Variants in UBXN11 observed in about 807,000 individuals in gnomAD.
UBXN11 encodes UBX domain-containing protein 11.
In UBXN11, 47 loss-of-function variants were observed where a neutral mutation model predicts 62.8. The observed-to-expected ratio is 0.75, with a 90% confidence interval of 0.59 to 0.95. The LOEUF (loss-of-function observed/expected upper bound fraction) is 0.95, where lower values mean the gene tolerates loss of function less well. Ranked by LOEUF, UBXN11 falls within the 40% of genes least tolerant of loss-of-function variation. The probability of loss-of-function intolerance (pLI) is 0.00; values close to 1 mark genes in which losing one functional copy is unlikely to be tolerated. For synonymous variants in UBXN11, 294 were observed against 267.0 expected (o/e 1.10, Z -0.99); for missense variants, 638 against 661.7 (o/e 0.96, Z 0.39).
intron 5 of UBXN11, among the ~76,000 whole-genome samples, 157 bp from the exon 6 acceptor site, chr1:26,297,638 C>T (rs928399157): frequency 2.0e-5 from 3 of 152,328 alleles, no homozygotes; most frequent in Admixed American, 6.5e-5. Flanking sequence ...AGATAACCCT[C>T]GCAGTTCCTC....
At chr1:26,318,013 C>T (rs1182614057) in intron 1 of UBXN11, 2 of 1,614,118 alleles carry the variant, frequency 1.2e-6, no homozygotes, top group East Asian at 2.2e-5. Flanking sequence ...GAAGATCCTA[C>T]CAAAATGAAG....
chr1:26,298,043 C>G lies in UBXN11; in HGVS notation c.219G>C (p.Ser73=). Residue 73 remains serine, a synonymous_variant, in exon 5 of 15, where the codon TCG becomes TCC. Transcript: ENST00000374222. ...VSRQVPASHD[S]ELMAFMTRKL... is the part of the protein sequence containing the mutation. ...TCCTCGTCATGAAGGCCATCAGCTC[C>G]GAGTCATGGGATGCAGGGACTGCCA... is the stretch of plus-strand genomic sequence containing the variant. 6.2e-7 allele frequency: 1 copy of G among 1,613,676 alleles called. No homozygotes were observed. The highest frequency in any genetic ancestry group is 8.5e-7 in the Non-Finnish European group (1 of 1,179,920).
Position 26,282,328 on chromosome 1 carries a change from A to AGGGACTGGGGCCGGGGCCGGGACC in UBXN11, c.1533_1534insGGTCCCGGCCCCGGCCCCAGTCCC (p.Gly504_Pro511dup). 2 of 776,108 alleles carry AGGGACTGGGGCCGGGGCCGGGACC rather than the reference A, an allele frequency of 2.6e-6. No individual in the cohort carries two copies. The highest frequency in any genetic ancestry group is 7.3e-5 in the East Asian group (2 of 27,372). 48.1% of individuals were successfully genotyped at this position (776,108 alleles called of 1,614,324 possible). ...TGGGGGCTGGGACTGGGTCCAGGAC[A>AGGGACTGGGGCCGGGGCCGGGACC]GGGACTGGGGCCGGGACCGGGACCG... is the stretch of plus-strand genomic sequence containing the variant. On this transcript the variant is annotated inframe_insertion, in exon 15 of 15. Transcript: ENST00000374222.
Position 26,282,334 on chromosome 1 carries a change from TGGGGCCGGGACC to T in UBXN11, c.1516_1527del (p.Gly506_Pro509del), listed in dbSNP as rs1557677262. On this transcript the variant is annotated inframe_deletion, in exon 15 of 15. Transcript: ENST00000374222. ...CTGGGACTGGGTCCAGGACAGGGAC[TGGGGCCGGGACC>T]GGGACCGGGACTGGGGCCGGGACCG... 25 of 1,304,242 alleles carry T rather than the reference TGGGGCCGGGACC, an allele frequency of 1.9e-5. No homozygotes were observed. The South Asian group carries it at 3.7e-4, about 19-fold the overall frequency. The allele number at this position is 1,304,242 out of a possible 1,614,324, so 80.8% of individuals were successfully genotyped here.
chr1:26,285,637 C>A, intron 9 of UBXN11, 96 bp from the exon 10 acceptor site: 1 of 1,386,994 alleles, frequency 7.2e-7, no homozygotes, highest in Non-Finnish European at 9.7e-7. Flanking sequence ...TCCAGGGTCA[C>A]CCAGTGCCGC....
chr1:26,297,959 C>T lies in UBXN11; in HGVS notation c.300+3G>A, dbSNP rs754526900. 10 of 1,613,308 alleles carry T rather than the reference C, an allele frequency of 6.2e-6. No homozygotes were observed. In the African/African-American group the frequency reaches 1.3e-4, roughly 22 times the overall value. On this transcript the variant is annotated splice_donor_region_variant and intron_variant, in intron 5 of 14. Coordinates refer to ENST00000374222, the MANE Select transcript of UBXN11 (RefSeq NM_001389556.1). Reference sequence around the variant, plus strand: ...CCTGGCCCTCTCCCACCTGGAGCCCCACCTTGGACAGTATCTCATCAGTCT... The same window carrying T: ...CCTGGCCCTCTCCCACCTGGAGCCCTACCTTGGACAGTATCTCATCAGTCT...
chr1:26,282,990 C>A, intron 12 of UBXN11, 53 bp from the exon 13 acceptor site: 4 of 1,609,252 alleles, frequency 2.5e-6, no homozygotes, highest in Non-Finnish European at 3.4e-6. Flanking sequence ...TTTGAGTCAT[C>A]CCCACAAACC....
At chr1:26,289,081 C>T (rs1456867675) in intron 8 of UBXN11, among the ~76,000 whole-genome samples, 2 of 152,154 alleles carry the variant, frequency 1.3e-5, no homozygotes, top group African/African-American at 4.8e-5. Context: ...GTCCCAACTC[C>T]CAAGACCCTT....
intron 5 of UBXN11, 48 bp downstream of exon 5, chr1:26,297,914 C>T (rs2073434388): frequency 6.3e-7 from 1 of 1,594,388 alleles, no homozygotes; most frequent in Non-Finnish European, 8.6e-7. Context: ...AGCCCAGTCC[C>T]TCCACCTCTC....
intron 2 of UBXN11, 112 bp from the exon 3 acceptor site, chr1:26,301,834 A>T: frequency 7.0e-7 from 1 of 1,427,994 alleles, no homozygotes; most frequent in East Asian, 2.4e-5. Context: ...AGATGGAAGC[A>T]GGGCCTCTAA....
At position 26,295,752 on chromosome 1, in the gene UBXN11, T is replaced by A. The variant is rs6702270; in HGVS notation, c.432+1167A>T. Reference sequence around the variant, plus strand: ...AGTCACAGCACTCTCTGTACTTGTGTACCTGTGTACTCGTTTGTTCCCCTC... The same window carrying A: ...AGTCACAGCACTCTCTGTACTTGTGAACCTGTGTACTCGTTTGTTCCCCTC... On this transcript the variant is annotated intron_variant, in intron 7 of 14. Coordinates refer to ENST00000374222, the MANE Select transcript of UBXN11 (RefSeq NM_001389556.1). Among the ~76,000 whole-genome samples, 1,434 of 152,324 alleles carry A rather than the reference T, an allele frequency of 9.4e-3. 20 individuals are homozygous for A. Among genetic ancestry groups the A allele is most frequent in the African/African-American group, 0.032 (1,330 of 41,552 alleles).
intron 12 of UBXN11, 117 bp downstream of exon 12, chr1:26,284,025 G>A (rs1413934363): frequency 1.9e-6 from 2 of 1,036,212 alleles, no homozygotes; most frequent in Non-Finnish European, 2.8e-6. Context: ...CAGCTCTGAG[G>A]GACTCATCAG....
At chr1:26,307,624 CTTTTTTTT>C (rs58120340), upstream of UBXN11, among the ~76,000 whole-genome samples, 4 of 127,922 alleles carry the variant, frequency 3.1e-5, no homozygotes, top group South Asian at 2.4e-4. Flanking sequence ...TTTTCTGTTG[CTTTTTTTT>C]TTTTTTTTTT....
intron 7 of UBXN11, 130 bp from the exon 8 acceptor site, chr1:26,294,461 T>C: frequency 7.3e-7 from 1 of 1,370,596 alleles, no homozygotes; most frequent in Non-Finnish European, 9.7e-7. Flanking sequence ...GACAAAGGGA[T>C]GAGTAGGGGG....
chr1:26,294,802 T>C (rs997658936), intron 7 of UBXN11, among the ~76,000 whole-genome samples: 1 of 152,158 alleles, frequency 6.6e-6, no homozygotes, highest in African/African-American at 2.4e-5. Context: ...CGACTTCTTT[T>C]CTCAAGCCAC....
intron 8 of UBXN11, among the ~76,000 whole-genome samples, chr1:26,290,552 AG>A (rs2073237442): frequency 6.6e-6 from 1 of 152,152 alleles, no homozygotes; most frequent in South Asian, 2.1e-4. Flanking sequence ...GGCTGGAGGC[AG>A]AAGTGCAGGT....
At chr1:26,284,332 C>A (rs745901792) in intron 11 of UBXN11, 30 bp downstream of exon 11, 1 of 1,613,912 alleles carries the variant, frequency 6.2e-7, no homozygotes, top group Admixed American at 1.7e-5. Context: ...GTCCCCCAGC[C>A]CCCTGGCTCA....
chr1:26,297,598 C>A, intron 5 of UBXN11, 117 bp from the exon 6 acceptor site: 1 of 1,252,626 alleles, frequency 8.0e-7, no homozygotes, highest in Non-Finnish European at 1.1e-6. Flanking sequence ...CCCCTGCCAC[C>A]CTTTGGCACA....
At chr1:26,304,967 C>CT (rs909572870) in intron 1 of UBXN11, among the ~76,000 whole-genome samples, 8 of 151,626 alleles carry the variant, frequency 5.3e-5, no homozygotes, top group African/African-American at 1.7e-4. Flanking sequence ...CCAGCTAACT[C>CT]TTTTTTTTCC....
Sources: gnomAD v4.1 joint callset for allele counts (sites outside exome capture counted in the v4.1 genomes callset) on GRCh38, gnomAD v4.1.1 for gene constraint, MANE v1.5 for transcripts, NCBI Gene and HGNC (gene_info 2026-07-23, HGNC 2026-07-21) for gene names.